Variants in RASGEF1A observed in about 807,000 individuals in gnomAD.
RASGEF1A encodes the protein ras-GEF domain-containing family member 1A.
A neutral mutation model predicts 56.4 loss-of-function variants in RASGEF1A; 18 were observed. The ratio of observed to expected loss-of-function variants is 0.32; its 90% CI spans 0.22 to 0.47. RASGEF1A has a LOEUF of 0.47. Ranked by LOEUF, RASGEF1A falls within the 20% of genes least tolerant of loss-of-function variation. RASGEF1A has a pLI of 1.00. For missense variants in RASGEF1A, 422 were observed against 627.1 expected (o/e 0.67, Z 3.49); for synonymous variants, 245 against 242.6 (o/e 1.01, Z -0.09).
At chr10:43,242,369 C>CA (rs1026025092) in intron 1 of RASGEF1A, among the ~76,000 whole-genome samples, 2 of 152,084 alleles carry the variant, frequency 1.3e-5, no homozygotes, top group Non-Finnish European at 2.9e-5. Context: ...ATTCAAGAAG[C>CA]AAAAACTGAT....
chr10:43,229,877 G>C, intron 1 of RASGEF1A: 1 of 560,472 alleles, frequency 1.8e-6, no homozygotes, highest in Non-Finnish European at 2.7e-6. Flanking sequence ...AGGAACGCGG[G>C]GCGGGGCCGA....
chr10:43,211,013 G>C (rs372083875), intron 1 of RASGEF1A, among the ~76,000 whole-genome samples: 1,531 of 74,442 alleles, frequency 0.021, 54 homozygotes, highest in East Asian at 0.065. Flanking sequence ...AGGCTTGCAC[G>C]CAGCAGCCCC....
intron 1 of RASGEF1A, among the ~76,000 whole-genome samples, chr10:43,235,045 C>A (rs1354461430): frequency 3.3e-5 from 5 of 152,258 alleles, no homozygotes; most frequent in Non-Finnish European, 5.9e-5. Flanking sequence ...GCAGCCAACC[C>A]TGTCCCTTGG....
chr10:43,247,968 G>A (rs897198523), intron 1 of RASGEF1A, among the ~76,000 whole-genome samples: 2 of 151,634 alleles, frequency 1.3e-5, no homozygotes, highest in Non-Finnish European at 2.9e-5. Context: ...GGAGGCTGAG[G>A]TGGGAGGATC....
chr10:43,206,950 C>T, intron 1 of RASGEF1A: 5 of 985,490 alleles, frequency 5.1e-6, no homozygotes, highest in Non-Finnish European at 6.0e-6. Flanking sequence ...GACTGTCCTC[C>T]ACAGCATGGC....
At chr10:43,229,673 G>C in intron 1 of RASGEF1A, 1 of 1,488,334 alleles carries the variant, frequency 6.7e-7, no homozygotes, top group Non-Finnish European at 8.9e-7. Flanking sequence ...CCGGCTCCCC[G>C]CGCCGTCCTG....
At chr10:43,206,776 C>T (rs1429588152) in intron 1 of RASGEF1A, 22 of 986,060 alleles carry the variant, frequency 2.2e-5, no homozygotes, top group Non-Finnish European at 2.5e-5. Flanking sequence ...GGCCACTCCA[C>T]ATGGTGAAGG....
In RASGEF1A at chr10:43,201,859, C is replaced by A; in HGVS notation, c.408G>T (p.Lys136Asn). 6.2e-7 allele frequency: 1 copy of A among 1,612,028 alleles called. No homozygotes were observed. Residue 136 changes from lysine (K) to asparagine (N), a missense_variant, in exon 4 of 13, where the codon AAG becomes AAT. Physicochemically the swap from Lys to Asn is moderately conservative, Grantham distance 94. This residue lies in a region of RASGEF1A where 273 missense variants were observed against 339.9 expected (regional missense o/e 0.80). Transcript: ENST00000395810. Reference protein sequence around the residue: ...EAFPYDFQDEKAMAELKAITH... With the variant: ...EAFPYDFQDENAMAELKAITH... Reference sequence around the variant, plus strand: ...TGATGGCTTTCAGCTCGGCCATGGCCTTCTCATCCTGGAAGTCATAGGGGA... The same window carrying A: ...TGATGGCTTTCAGCTCGGCCATGGCATTCTCATCCTGGAAGTCATAGGGGA...
Position 43,266,919 on chromosome 10 carries a change from C to T in RASGEF1A, c.-81G>A, listed in dbSNP as rs1836635874. 6.8e-6 allele frequency: 1 copy of T among 146,000 alleles called. No homozygotes were observed. Among genetic ancestry groups the T allele is most frequent in the East Asian group, 2.0e-4 (1 of 5,036 alleles). 9.0% of individuals were successfully genotyped at this position (146,000 alleles called of 1,614,324 possible). The stretch of plus-strand genomic sequence containing the variant: ...GCCCCGAGCAGCGCGCGGCCGGCGC[C>T]GGCGGCGGCTCATGCTCGGCGCCCG... On this transcript the variant is annotated 5_prime_UTR_variant, in exon 1 of 13. Coordinates refer to ENST00000395810, the MANE Select transcript of RASGEF1A (RefSeq NM_145313.4).
At chr10:43,254,139 AG>A (rs1354693412) in intron 1 of RASGEF1A, among the ~76,000 whole-genome samples, 2 of 152,160 alleles carry the variant, frequency 1.3e-5, no homozygotes, top group Non-Finnish European at 2.9e-5. Flanking sequence ...CAGCTGTGCA[AG>A]GAAGTGGGCT....
chr10:43,255,021 C>T (rs1377030156), intron 1 of RASGEF1A, among the ~76,000 whole-genome samples: 1 of 152,128 alleles, frequency 6.6e-6, no homozygotes, highest in African/African-American at 2.4e-5. Context: ...CATTCCCAGG[C>T]ATCTGGAGAG....
chr10:43,263,100 G>A (rs910647413), intron 1 of RASGEF1A, among the ~76,000 whole-genome samples: 1 of 152,164 alleles, frequency 6.6e-6, no homozygotes, highest in Non-Finnish European at 1.5e-5. Flanking sequence ...GAGGACAGGT[G>A]GGGGCTGATG....
chr10:43,215,541 C>G (rs1472192487), intron 1 of RASGEF1A, among the ~76,000 whole-genome samples: 1 of 152,210 alleles, frequency 6.6e-6, no homozygotes, highest in Non-Finnish European at 1.5e-5. Context: ...GGATGCATGC[C>G]ACGGACCCGA....
intron 1 of RASGEF1A, among the ~76,000 whole-genome samples, chr10:43,234,830 C>T (rs1259308680): frequency 6.6e-6 from 1 of 152,228 alleles, no homozygotes; most frequent in African/African-American, 2.4e-5. Flanking sequence ...GCTCCAGAGG[C>T]TCCTCAGACA....
chr10:43,260,446 C>A (rs1044549938), intron 1 of RASGEF1A, among the ~76,000 whole-genome samples: 1 of 152,228 alleles, frequency 6.6e-6, no homozygotes, highest in Non-Finnish European at 1.5e-5. Flanking sequence ...ATGCATCTGG[C>A]GTCCTGCCCA....
intron 1 of RASGEF1A, chr10:43,209,184 A>C: frequency 1.0e-6 from 1 of 985,436 alleles, no homozygotes; most frequent in Non-Finnish European, 1.2e-6. Flanking sequence ...AGCCATCATG[A>C]TACACCGATG....
chr10:43,207,285 C>G, intron 1 of RASGEF1A: 1 of 985,502 alleles, frequency 1.0e-6, no homozygotes, highest in Non-Finnish European at 1.2e-6. Context: ...CTGCACAGAG[C>G]AAATTGTTGC....
intron 1 of RASGEF1A, among the ~76,000 whole-genome samples, chr10:43,252,722 G>A (rs980921800): frequency 3.9e-5 from 6 of 152,178 alleles, no homozygotes; most frequent in East Asian, 1.9e-4. Flanking sequence ...TTCAGGGCTC[G>A]GCTGCCAAAC....
intron 1 of RASGEF1A, among the ~76,000 whole-genome samples, chr10:43,253,544 AGT>A (rs1840650732): frequency 6.6e-6 from 1 of 152,250 alleles, no homozygotes; most frequent in Non-Finnish European, 1.5e-5. Context: ...AGTCAGAGAA[AGT>A]GTGAGGACAA....
Sources: allele counts gnomAD v4.1 joint callset (sites outside exome capture counted in the v4.1 genomes callset), GRCh38; gene constraint gnomAD v4.1.1; regional missense constraint gnomAD v4.1.1; transcripts MANE v1.5; gene names NCBI Gene and HGNC (gene_info 2026-07-23, HGNC 2026-07-21).